The following ANKRD28 variants were observed in gnomAD, a reference collection of about 807,000 sequenced individuals.
The protein encoded by ANKRD28 is serine/threonine-protein phosphatase 6 regulatory ankyrin repeat subunit A.
ANKRD28 carries 44 observed loss-of-function variants against 126.5 expected under a neutral mutation model. The observed-to-expected ratio is 0.35, with a 90% CI of 0.27 to 0.45. The LOEUF (loss-of-function observed/expected upper bound fraction) is 0.45. Among genes scored for constraint, ANKRD28 ranks in the 20% least tolerant of loss-of-function variants. The pLI is 1.00. For missense variants in ANKRD28, 1,110 were observed against 1,316.6 expected (o/e 0.84, Z 2.43); for synonymous variants, 442 against 468.5 (o/e 0.94, Z 0.73).
intron 14 of ANKRD28, 44 bp from the exon 15 acceptor site, chr3:15,696,289 A>AT: frequency 1.6e-6 from 2 of 1,217,790 alleles, no homozygotes; most frequent in Non-Finnish European, 2.3e-6. Flanking sequence ...TAAATCCTGC[A>AT]TATTAACCAA....
intron 14 of ANKRD28, among the ~76,000 whole-genome samples, chr3:15,702,285 T>A (rs1301033249): frequency 6.6e-6 from 1 of 152,220 alleles, no homozygotes; most frequent in Non-Finnish European, 1.5e-5. Flanking sequence ...GTAAGTTAAC[T>A]AGGGTGCTTA....
chr3:15,836,219 A>T (rs894687383), intron 1 of ANKRD28, among the ~76,000 whole-genome samples: 4 of 152,122 alleles, frequency 2.6e-5, no homozygotes, highest in Non-Finnish European at 4.4e-5. Context: ...TAATTAAAAC[A>T]TTACTGTTGG....
chr3:15,839,680 C>T lies in ANKRD28; in HGVS notation c.27+19697G>A, dbSNP rs2061392361. Among the ~76,000 whole-genome samples, 1 of 151,986 alleles carries T rather than the reference C, an allele frequency of 6.6e-6. No homozygotes were observed. Among genetic ancestry groups the T allele is most frequent in the African/African-American group, 2.4e-5 (1 of 41,372 alleles). On this transcript the variant is annotated intron_variant, in intron 1 of 27. Coordinates refer to the ANKRD28 transcript ENST00000399451. The surrounding 1 kb of genome is among the most constrained non-coding windows in gnomAD (Gnocchi z 4.3). ...TACTAGCAAACCAAATTCAACAACA[C>T]ACTAAAAAAAATCATTCATCATGAC...
At chr3:15,856,312 C>T (rs1165268632) in intron 1 of ANKRD28, among the ~76,000 whole-genome samples, 3 of 152,192 alleles carry the variant, frequency 2.0e-5, no homozygotes, top group African/African-American at 7.2e-5. Context: ...TCCCTGTTGT[C>T]TTCTAAACAC....
At chr3:15,744,843 G>C (rs188055739) in intron 4 of ANKRD28, among the ~76,000 whole-genome samples, 6 of 152,192 alleles carry the variant, frequency 3.9e-5, no homozygotes, top group Admixed American at 3.9e-4. Context: ...GGTTGTACTA[G>C]TTTACATTCC....
At chr3:15,766,926 G>T (rs2058766103) in intron 2 of ANKRD28, among the ~76,000 whole-genome samples, 1 of 152,124 alleles carries the variant, frequency 6.6e-6, no homozygotes, top group Non-Finnish European at 1.5e-5. Context: ...GTTTAGAACT[G>T]TTAACCTAAA....
intron 1 of ANKRD28, among the ~76,000 whole-genome samples, chr3:15,835,782 A>G (rs2061313571): frequency 6.6e-6 from 1 of 152,204 alleles, no homozygotes. Context: ...GGCTAACTCT[A>G]AAATGTATTA....
intron 2 of ANKRD28, among the ~76,000 whole-genome samples, chr3:15,789,726 T>A (rs1349707573): frequency 6.6e-6 from 1 of 152,076 alleles, no homozygotes; most frequent in Non-Finnish European, 1.5e-5. Flanking sequence ...TAGTATTTGC[T>A]AGTGAAACTA....
intron 27 of ANKRD28, 93 bp from the exon 28 acceptor site, chr3:15,670,649 A>G (rs2066243951): frequency 8.3e-7 from 1 of 1,211,896 alleles, no homozygotes. Context: ...AACTTTAGAC[A>G]TATTTTACAT....
intron 2 of ANKRD28, among the ~76,000 whole-genome samples, chr3:15,790,047 A>C (rs952255611): frequency 6.6e-6 from 1 of 152,120 alleles, no homozygotes; most frequent in African/African-American, 2.4e-5. Flanking sequence ...GAAAATATAG[A>C]AGAAATGGAC....
At position 15,713,509 on chromosome 3, in the gene ANKRD28, A is replaced by G. The variant is rs763633353; in HGVS notation, c.1190+18T>C. The G allele has an allele frequency of 3.1e-6, 5 of 1,597,352 alleles. No individual in the cohort carries two copies. The highest frequency in any genetic ancestry group is 3.4e-6 in the Non-Finnish European group (4 of 1,169,648). On this transcript the variant is annotated intron_variant, in intron 10 of 27. Transcript: ENST00000683139. ...GTGCTTGCCTGTATCAGTTATCAAC[A>G]CCTCGGTAAGTACTTACTTTGCAGT...
intron 14 of ANKRD28, 43 bp from the exon 15 acceptor site, chr3:15,696,288 C>A (rs759029704): frequency 8.1e-7 from 1 of 1,232,818 alleles, no homozygotes; most frequent in Non-Finnish European, 1.1e-6. Flanking sequence ...CTAAATCCTG[C>A]ATATTAACCA....
At chr3:15,818,722 G>A (rs1297783241) in intron 1 of ANKRD28, among the ~76,000 whole-genome samples, 4 of 152,150 alleles carry the variant, frequency 2.6e-5, no homozygotes, top group Admixed American at 2.6e-4. Context: ...ATTGACTGCA[G>A]GTGTTTCAAG....
rs1203896497 is a variant in ANKRD28, at chr3:15,670,306, C to G, written c.3216G>C (p.Val1072=). The G allele has an allele frequency of 6.2e-7, 1 of 1,613,958 alleles. No homozygotes were observed. The highest frequency in any genetic ancestry group is 1.1e-5 in the South Asian group (1 of 91,082). ...CAGAATCGGAGTCGTTGAGCTCATC[C>G]ACGTCAGTGTATAAGTACTCCTGTT... ...GGEQEYLYTD[V]DELNDSDSET... Residue 1072 remains valine, a synonymous_variant, in exon 28 of 28, where the codon GTG becomes GTC. Coordinates refer to ENST00000683139, the MANE Select transcript of ANKRD28 (RefSeq NM_001349278.2).
chr3:15,674,818 AG>A lies in ANKRD28; in HGVS notation c.2965+1079del, dbSNP rs143772985. 5.8e-3 allele frequency among the ~76,000 whole-genome samples: 881 copies of A among 152,344 alleles called. 6 individuals are homozygous for A. The highest frequency in any genetic ancestry group is 0.02 in the African/African-American group (840 of 41,576). ...AAAGCAGAGTAAAAAAATTTATCAA[AG>A]GAAACGATCAGTTGTGCCAAAAGCT... On this transcript the variant is annotated intron_variant, in intron 27 of 27. Transcript: ENST00000683139.
At chr3:15,738,274 G>A (rs953724169) in intron 4 of ANKRD28, among the ~76,000 whole-genome samples, 1 of 152,068 alleles carries the variant, frequency 6.6e-6, no homozygotes, top group Admixed American at 6.5e-5. Flanking sequence ...TTAAAGCTGG[G>A]TGTCTGGGGA....
At chr3:15,679,714 G>C (rs2067320095) in intron 21 of ANKRD28, among the ~76,000 whole-genome samples, 151 bp from the exon 22 acceptor site, 1 of 152,124 alleles carries the variant, frequency 6.6e-6, no homozygotes, top group Admixed American at 6.5e-5. Context: ...ATTGGTAGCT[G>C]TTAAGCCACC....
In ANKRD28 at chr3:15,749,098, TTTG is replaced by T. The variant is rs1375659674; in HGVS notation, c.351+2649_351+2651del. On this transcript the variant is annotated intron_variant, in intron 4 of 27. Coordinates refer to ENST00000683139, the MANE Select transcript of ANKRD28 (RefSeq NM_001349278.2). ...TTCCTTTCATATTCTATATTATGTTTTTGTTTTTTTTTTTTTTTTTTTTGAGAC... is the reference window on the plus strand; with the variant it reads ...TTCCTTTCATATTCTATATTATGTTTTTTTTTTTTTTTTTTTTTTTGAGAC... Among the ~76,000 whole-genome samples the T allele has an allele frequency of 1.2e-3, 41 of 33,642 alleles. 5 individuals are homozygous for T. In the South Asian group the frequency reaches 0.016, roughly 13 times the overall value. The allele number at this position is 33,642 out of a possible 152,430, so 22.1% of individuals were successfully genotyped here. A position where few individuals can be genotyped will look rare whatever the true frequency, so the allele number is the denominator to read the frequency against.
chr3:15,721,147 T>A lies in ANKRD28; in HGVS notation c.784-20A>T. 6.3e-7 allele frequency: 1 copy of A among 1,591,284 alleles called. No individual in the cohort carries two copies. Among genetic ancestry groups the A allele is most frequent in the Non-Finnish European group, 8.6e-7 (1 of 1,167,642 alleles). On this transcript the variant is annotated intron_variant, in intron 7 of 27. Coordinates refer to ENST00000683139, the MANE Select transcript of ANKRD28 (RefSeq NM_001349278.2). Reference sequence around the variant, plus strand: ...ATTCATCTATTAGAAGGGAAAAAAATGCGAATGTTAAAGTAGTTTTGCTAA... The same window carrying A: ...ATTCATCTATTAGAAGGGAAAAAAAAGCGAATGTTAAAGTAGTTTTGCTAA...
Sources: gnomAD v4.1 joint callset for allele counts (sites outside exome capture counted in the v4.1 genomes callset) on GRCh38, gnomAD v4.1.1 for gene constraint, Gnocchi (gnomAD v3.1) non-coding constraint, MANE v1.5 for transcripts, NCBI Gene and HGNC (gene_info 2026-07-23, HGNC 2026-07-21) for gene names.